SV2C: variants seen among roughly 807,000 people sequenced by gnomAD.
SV2C encodes the protein solute carrier family 22 member B3.
In SV2C, 49 loss-of-function variants were observed where a neutral mutation model predicts 79.7. That is an observed-to-expected ratio of 0.61 (90% confidence interval 0.49 to 0.78). SV2C has a LOEUF of 0.78. SV2C is among the 30% of genes least tolerant of loss of function. The pLI is 0.00. For synonymous variants in SV2C, 334 were observed against 333.2 expected (o/e 1.00, Z -0.03); for missense variants, 833 against 912.9 (o/e 0.91, Z 1.13).
At chr5:76,002,531 T>C in the SV2C span, among the ~76,000 whole-genome samples, 15 of 152,214 alleles carry the variant, frequency 9.9e-5, no homozygotes, top group Non-Finnish European at 2.1e-4. Context: ...CTAAAAACCA[T>C]TACACTGTAC....
At chr5:76,180,529 C>G (rs535557368) in intron 2 of SV2C, among the ~76,000 whole-genome samples, 1 of 152,304 alleles carries the variant, frequency 6.6e-6, no homozygotes, top group East Asian at 1.9e-4. Context: ...TCACTGATGC[C>G]CTGTGCTGAC....
intron 4 of SV2C, among the ~76,000 whole-genome samples, chr5:76,211,953 A>T (rs143253636): frequency 6.6e-6 from 1 of 152,160 alleles, no homozygotes; most frequent in African/African-American, 2.4e-5. Flanking sequence ...GAACATTTAC[A>T]TTGAGTTCAG....
the SV2C span, chr5:75,921,744 G>T: frequency 2.6e-6 from 1 of 384,796 alleles, no homozygotes; most frequent in South Asian, 2.9e-5. Context: ...CTAGCATTTT[G>T]TTTCAGAAGC....
At chr5:75,902,757 G>C in the SV2C span, among the ~76,000 whole-genome samples, 2 of 152,166 alleles carry the variant, frequency 1.3e-5, no homozygotes, top group African/African-American at 4.8e-5. Context: ...TTTGTTTTGG[G>C]ATTTGCATAA....
Position 76,325,589 on chromosome 5 carries a change from C to T in SV2C, c.*42C>T. The T allele has an allele frequency of 6.2e-7, 1 of 1,604,854 alleles. No homozygotes were observed. Among genetic ancestry groups the T allele is most frequent in the African/African-American group, 1.3e-5 (1 of 74,640 alleles). On this transcript the variant is annotated 3_prime_UTR_variant, in exon 13 of 13. Coordinates refer to ENST00000502798, the MANE Select transcript of SV2C (RefSeq NM_014979.4). ...CCTTCCTGCGTTTCTTCCTCCTGCC[C>T]TGGGTCAATTCTCCTTCCTGACTCA...
At chr5:76,055,361 T>C in the SV2C span, among the ~76,000 whole-genome samples, 1 of 152,132 alleles carries the variant, frequency 6.6e-6, no homozygotes, top group Admixed American at 6.6e-5. Flanking sequence ...GGTCTATAGA[T>C]CTGTTACGTA....
the SV2C span, among the ~76,000 whole-genome samples, chr5:75,913,847 G>A: frequency 6.6e-6 from 1 of 152,072 alleles, no homozygotes; most frequent in African/African-American, 2.4e-5. Context: ...GCCTACAAGT[G>A]AGGCTAAGCT....
At chr5:75,929,867 T>C in the SV2C span, among the ~76,000 whole-genome samples, 1 of 152,226 alleles carries the variant, frequency 6.6e-6, no homozygotes. Context: ...AAAATATTGG[T>C]TGTATCTTAA....
intron 4 of SV2C, among the ~76,000 whole-genome samples, chr5:76,281,736 A>G (rs1747202140): frequency 6.6e-6 from 1 of 152,168 alleles, no homozygotes; most frequent in African/African-American, 2.4e-5. Flanking sequence ...CTTCAAAGCC[A>G]GTAGCACAGC....
At chr5:76,015,636 A>G in the SV2C span, among the ~76,000 whole-genome samples, 549 of 152,262 alleles carry the variant, frequency 3.6e-3, 8 homozygotes, top group African/African-American at 0.013. Flanking sequence ...CATGTCATTT[A>G]TCATTAGCTT....
At chr5:76,016,083 A>C in the SV2C span, among the ~76,000 whole-genome samples, 1 of 151,948 alleles carries the variant, frequency 6.6e-6, no homozygotes, top group Non-Finnish European at 1.5e-5. Context: ...AGATATAATT[A>C]AGACTAGTCT....
At chr5:75,962,894 A>G in the SV2C span, among the ~76,000 whole-genome samples, 1 of 152,212 alleles carries the variant, frequency 6.6e-6, no homozygotes. Context: ...AAAAGATGCT[A>G]AAGAAGCAAT....
At chr5:75,873,220 A>T in the SV2C span, among the ~76,000 whole-genome samples, 1 of 152,186 alleles carries the variant, frequency 6.6e-6, no homozygotes, top group East Asian at 1.9e-4. Flanking sequence ...AATTGGTGAA[A>T]TTAAAAGGAC....
At chr5:75,865,789 C>T in the SV2C span, among the ~76,000 whole-genome samples, 5 of 152,168 alleles carry the variant, frequency 3.3e-5, no homozygotes, top group Admixed American at 6.5e-5. Flanking sequence ...GTTAATGCCC[C>T]GTAGAAAGCA....
intron 2 of SV2C, among the ~76,000 whole-genome samples, chr5:76,151,239 A>G (rs920056902): frequency 6.6e-6 from 1 of 152,236 alleles, no homozygotes; most frequent in Non-Finnish European, 1.5e-5. Flanking sequence ...GCACAAAGGC[A>G]TGGAAATCTT....
intron 1 of SV2C, among the ~76,000 whole-genome samples, chr5:76,119,303 C>T (rs1298628255): frequency 6.6e-6 from 1 of 152,214 alleles, no homozygotes. Context: ...ACCCTGCACC[C>T]TATTGCACAT....
At chr5:75,856,418 G>T in the SV2C span, among the ~76,000 whole-genome samples, 1 of 152,124 alleles carries the variant, frequency 6.6e-6, no homozygotes, top group African/African-American at 2.4e-5. Context: ...AGTGTGCAAG[G>T]ATTTCCTGTT....
At chr5:76,078,593 C>T (rs30195), upstream of SV2C, 73,494 of 347,368 alleles carry the variant, frequency 0.21, 9,081 homozygotes, top group South Asian at 0.32. Flanking sequence ...CAGCCTGACA[C>T]GGGCATGCCC....
At chr5:76,280,284 G>GCA (rs907128050) in intron 4 of SV2C, among the ~76,000 whole-genome samples, 1 of 151,848 alleles carries the variant, frequency 6.6e-6, no homozygotes, top group Admixed American at 6.6e-5. Context: ...ACACACATAT[G>GCA]CACACACACA....
Sources: gnomAD v4.1 joint callset for allele counts (sites outside exome capture counted in the v4.1 genomes callset) on GRCh38, gnomAD v4.1.1 for gene constraint, MANE v1.5 for transcripts, NCBI Gene and HGNC (gene_info 2026-07-23, HGNC 2026-07-21) for gene names.